GTPBP6: variants seen among roughly 807,000 people sequenced by gnomAD.
GTPBP6 encodes the protein putative GTP-binding protein 6.
Under a neutral mutation model 28.9 loss-of-function variants are expected in GTPBP6, and 33 were observed. The observed-to-expected ratio is 1.14, with a 90% CI of 0.87 to 1.53. GTPBP6 has a LOEUF of 1.53. Ranked by LOEUF, GTPBP6 falls within the 40% of genes most tolerant of loss-of-function variation. The pLI is 0.00. For synonymous variants in GTPBP6, 231 were observed against 192.7 expected (o/e 1.20, Z -1.65); for missense variants, 507 against 408.3 (o/e 1.24, Z -2.08).
intron 4 of GTPBP6, 127 bp downstream of exon 4, chrX:314,756 GTGAGCCA>G: frequency 5.1e-6 from 2 of 393,726 alleles, no homozygotes; most frequent in Non-Finnish European, 9.0e-6. Flanking sequence ...GATGACAGGC[GTGAGCCA>G]CCGCGCCCGG....
intron 5 of GTPBP6, 28 bp downstream of exon 5, chrX:314,122 C>T (rs1481364309): frequency 2.5e-6 from 4 of 1,590,146 alleles, no homozygotes; most frequent in Admixed American, 1.7e-5. Context: ...CGAGGACCCT[C>T]TGGGACGCCG....
chrX:315,079 T>C (rs1439768157), intron 3 of GTPBP6, 59 bp from the exon 4 acceptor site: 8 of 398,562 alleles, frequency 2.0e-5, no homozygotes, highest in African/African-American at 1.0e-4. Flanking sequence ...TGGTGGCCAA[T>C]GTGAGAGGAA....
rs190724696 is a variant in GTPBP6, at chrX:312,031, C to T, written c.917-404G>A. The T allele has an allele frequency of 7.5e-4, 349 of 467,840 alleles. 3 individuals carry two copies. The highest frequency in any genetic ancestry group is 6.3e-3 in the African/African-American group (315 of 50,166). 29.0% of individuals were successfully genotyped at this position (467,840 alleles called of 1,614,324 possible). On this transcript the variant is annotated intron_variant, in intron 6 of 9. Transcript: ENST00000326153. ...TGGTGTAGATGGGTGGATATAGATA[C>T]GGCAGTGGTGCCGGTGTTGACAGAA...
intron 7 of GTPBP6, 68 bp from the exon 8 acceptor site, chrX:307,948 C>G (rs369339109): frequency 6.6e-6 from 9 of 1,354,254 alleles, no homozygotes; most frequent in Non-Finnish European, 8.8e-6. Context: ...TGCAGACAGG[C>G]CCAGGAGAGG....
At chrX:315,610 G>GACACAGACACACAGACAGAC (rs2070417819) in intron 2 of GTPBP6, among the ~76,000 whole-genome samples, 2 of 142,010 alleles carry the variant, frequency 1.4e-5, no homozygotes, top group Non-Finnish European at 3.1e-5. Context: ...GACAGGGACA[G>GACACAGACACACAGACAGAC]ACACAGACAC....
chrX:313,682 C>T (rs925638529), intron 5 of GTPBP6, among the ~76,000 whole-genome samples: 1 of 151,572 alleles, frequency 6.6e-6, no homozygotes, highest in African/African-American at 2.4e-5. Flanking sequence ...AGAGGAGACA[C>T]AGACACAGAG....
intron 7 of GTPBP6, among the ~76,000 whole-genome samples, chrX:311,203 G>C (rs1230099294): frequency 6.8e-6 from 1 of 146,452 alleles, no homozygotes; most frequent in East Asian, 2.0e-4. Context: ...GTGTCTGAGG[G>C]CCCGGCCCCT....
At chrX:316,811 G>A in intron 2 of GTPBP6, 103 bp downstream of exon 2, 1 of 398,994 alleles carries the variant, frequency 2.5e-6, no homozygotes, top group East Asian at 3.6e-5. Context: ...TTCCCCTCTG[G>A]CCCCGCAAGA....
chrX:318,175 G>C (rs1405686556), intron 1 of GTPBP6, among the ~76,000 whole-genome samples: 1 of 141,342 alleles, frequency 7.1e-6, no homozygotes, highest in Non-Finnish European at 1.5e-5. Flanking sequence ...AGCCTCCCCA[G>C]AGCCCCGCCC....
chrX:305,148 C>T (rs759824410), exon 10 of GTPBP6: 2 of 1,613,616 alleles, frequency 1.2e-6, no homozygotes, highest in East Asian at 4.5e-5. Context: ...GCCGCCCCGT[C>T]CTCAGGGATC....
intron 9 of GTPBP6, 148 bp from the exon 10 acceptor site, chrX:305,345 G>A (rs1443004719): frequency 2.6e-5 from 17 of 653,370 alleles, no homozygotes; most frequent in Non-Finnish European, 3.6e-5. Context: ...TTTTTGAGAC[G>A]GAGTCTCACT....
chrX:313,634 C>A (rs1443155562), intron 5 of GTPBP6, among the ~76,000 whole-genome samples: 1 of 152,044 alleles, frequency 6.6e-6, no homozygotes, highest in African/African-American at 2.4e-5. Context: ...TTAGGGCGGG[C>A]CATAAATGCA....
chrX:318,528 C>A (rs2070482661), exon 1 of GTPBP6: 1 of 398,560 alleles, frequency 2.5e-6, no homozygotes, highest in South Asian at 1.3e-4. Flanking sequence ...CAGAGGCTCT[C>A]CCCGCAGCAG....
At chrX:309,641 CAG>C (rs1452383377) in intron 7 of GTPBP6, among the ~76,000 whole-genome samples, 6 of 152,138 alleles carry the variant, frequency 3.9e-5, no homozygotes, top group African/African-American at 1.4e-4. Flanking sequence ...GAGATGGAGG[CAG>C]AGACTGGAGT....
chrX:304,787 G>A lies in GTPBP6; in HGVS notation c.*287C>T, dbSNP rs548206512. 2.6e-5 allele frequency: 34 copies of A among 1,330,974 alleles called. No homozygotes were observed. In the South Asian group the frequency reaches 3.0e-4, roughly 12 times the overall value. The allele number at this position is 1,330,974 out of a possible 1,614,324, so 82.4% of individuals were successfully genotyped here. On this transcript the variant is annotated 3_prime_UTR_variant, in exon 10 of 10. Transcript: ENST00000326153. ...AATCAAAGGTTTAATGTCCTGTTAC[G>A]GAAACATTCCGAGGGAAAGCAGTTC...
Position 316,250 on chromosome X carries a change from C to T in GTPBP6, c.487+664G>A, listed in dbSNP as rs1290427920. Among the ~76,000 whole-genome samples, 2 of 19,048 alleles carry T rather than the reference C, an allele frequency of 1.0e-4. 1 individual carries two copies. 12.5% of individuals were successfully genotyped at this position (19,048 alleles called of 152,430 possible). A position where few individuals can be genotyped will look rare whatever the true frequency, so the allele number is the denominator to read the frequency against. On this transcript the variant is annotated intron_variant, in intron 2 of 9. Coordinates refer to ENST00000326153, the Ensembl canonical transcript of GTPBP6. ...CAGCAGGGACACAAACACATACACACGCAGACACACACACAGACACACACA... is the reference window on the plus strand; with the variant it reads ...CAGCAGGGACACAAACACATACACATGCAGACACACACACAGACACACACA...
At chrX:317,793 T>C (rs1232793725) in intron 1 of GTPBP6, among the ~76,000 whole-genome samples, 4 of 138,818 alleles carry the variant, frequency 2.9e-5, no homozygotes, top group African/African-American at 1.1e-4. Context: ...CCCCCGCACT[T>C]TTACCCCATA....
rs373641304 is a variant in GTPBP6, at chrX:312,782, C to T, written c.900G>A (p.Val300=). 3.7e-6 allele frequency: 6 copies of T among 1,612,332 alleles called. No homozygotes were observed. In the African/African-American group the frequency reaches 5.3e-5, roughly 14 times the overall value. ...CGTGCTCACCGCAGTTGGTGTACCC[C>T]ACCACGGAGATCACGGGGAACTCCC... is the stretch of plus-strand genomic sequence containing the variant. The change falls in exon 6 of 10, where the codon GTG becomes GTA. Residue 300 remains valine, a synonymous_variant. Transcript: ENST00000326153.
Sources: gnomAD v4.1 joint callset for allele counts (sites outside exome capture counted in the v4.1 genomes callset) on GRCh38, gnomAD v4.1.1 for gene constraint, MANE v1.5 for transcripts, NCBI Gene and HGNC (gene_info 2026-07-23, HGNC 2026-07-21) for gene names.